Variants in PCYT2 observed in about 807,000 individuals in gnomAD.
PCYT2 encodes the protein ethanolamine-phosphate cytidylyltransferase.
Under a neutral mutation model 50.0 loss-of-function variants are expected in PCYT2, and 33 were observed. That is an observed-to-expected ratio of 0.66 (90% CI 0.50 to 0.88). The LOEUF (loss-of-function observed/expected upper bound fraction) is 0.88. Among genes scored for constraint, PCYT2 ranks in the 40% least tolerant of loss-of-function variants. PCYT2 has a pLI of 0.00. For synonymous variants in PCYT2, 240 were observed against 203.7 expected (o/e 1.18, Z -1.52); for missense variants, 430 against 519.7 (o/e 0.83, Z 1.68).
At chr17:81,907,231 G>A in intron 6 of PCYT2, 2 of 1,534,538 alleles carry the variant, frequency 1.3e-6, no homozygotes, top group Non-Finnish European at 1.7e-6. Context: ...AGGAAAGTAT[G>A]TCCCCGGCGG....
At chr17:81,909,223 G>C in intron 2 of PCYT2, 186 bp from the exon 3 acceptor site, 2 of 1,433,042 alleles carry the variant, frequency 1.4e-6, no homozygotes, top group Non-Finnish European at 1.8e-6. Flanking sequence ...GAGGGTCTCA[G>C]GCAAAGGCAG....
At chr17:81,907,140 C>A in intron 6 of PCYT2, 1 of 1,343,040 alleles carries the variant, frequency 7.4e-7, no homozygotes, top group Non-Finnish European at 1.0e-6. Flanking sequence ...AGGCAAGGAG[C>A]CCTGTGGCAG....
At position 81,904,752 on chromosome 17, in the gene PCYT2, G is replaced by A; in HGVS notation, c.*81C>T. On this transcript the variant is annotated 3_prime_UTR_variant, in exon 13 of 13. Transcript: ENST00000538936. The stretch of plus-strand genomic sequence containing the variant: ...TCCAGAGCCAGGCCAGTTAGAGAGG[G>A]CGGCCCTGCAGAGTCCTATGTCCAA... 1.1e-6 allele frequency: 1 copy of A among 895,264 alleles called. No homozygotes were observed. Among genetic ancestry groups the A allele is most frequent in the Non-Finnish European group, 1.7e-6 (1 of 588,632 alleles). The allele number at this position is 895,264 out of a possible 1,614,324, so 55.5% of individuals were successfully genotyped here. A position where few individuals can be genotyped will look rare whatever the true frequency, so the allele number is the denominator to read the frequency against.
At chr17:81,908,504 C>G in intron 4 of PCYT2, 64 bp downstream of exon 4, 1 of 1,288,326 alleles carries the variant, frequency 7.8e-7, no homozygotes, top group Non-Finnish European at 1.1e-6. Context: ...AATAGCAAAG[C>G]ACGAGCCAGG....
rs538587337 is a variant in PCYT2 at position 81,902,587 on chromosome 17, C to T, written c.*2246G>A. ...CGGCAGGACGTGGGTGGGGGTGCGG[C>T]GGCCCCTCAGCCTTTGCTTGCCTGC... On this transcript the variant is annotated 3_prime_UTR_variant, in exon 13 of 13. Transcript: ENST00000538936. 7.2e-6 allele frequency: 11 copies of T among 1,524,642 alleles called. No homozygotes were observed. Among genetic ancestry groups the T allele is most frequent in the Admixed American group, 4.2e-5 (2 of 47,954 alleles). 94.4% of individuals were successfully genotyped at this position (1,524,642 alleles called of 1,614,324 possible).
chr17:81,909,584 G>A lies in PCYT2; in HGVS notation c.108C>T (p.Tyr36=), dbSNP rs148838458. 19 of 1,613,280 alleles carry A rather than the reference G, an allele frequency of 1.2e-5. No homozygotes were observed. The highest frequency in any genetic ancestry group is 4.4e-5 in the South Asian group (4 of 91,072). The change falls in exon 2 of 13, where the codon TAC becomes TAT. Residue 36 remains tyrosine, a synonymous_variant. Transcript: ENST00000538936. ...CCTGGCGCAGCTGGTTGGAGTGGCC[G>A]TAATGCACCATGTCATAGCTGTGGA... ...WCDGCYDMVH[Y]GHSNQLRQAR... is the part of the protein sequence containing the mutation.
At chr17:81,904,988 G>A in intron 12 of PCYT2, 44 bp from the exon 13 acceptor site, 1 of 1,588,732 alleles carries the variant, frequency 6.3e-7, no homozygotes, top group South Asian at 1.1e-5. Flanking sequence ...CCATGAGGCG[G>A]CTCCGAGGGG....
Position 81,904,647 on chromosome 17 carries a change from C to G in PCYT2, c.*186G>C. 1 of 585,576 alleles carries G rather than the reference C, an allele frequency of 1.7e-6. No homozygotes were observed. Among genetic ancestry groups the G allele is most frequent in the South Asian group, 2.2e-5 (1 of 45,258 alleles). The allele number at this position is 585,576 out of a possible 1,614,324, so 36.3% of individuals were successfully genotyped here. A position where few individuals can be genotyped will look rare whatever the true frequency, so the allele number is the denominator to read the frequency against. ...TGTGCTGGACACCCTCTCTGAGCAG[C>G]TTTGCTGGAAAGAGCGGAGAGCCTG... is the stretch of plus-strand genomic sequence containing the variant. On this transcript the variant is annotated 3_prime_UTR_variant, in exon 13 of 13. Coordinates refer to ENST00000538936, the MANE Select transcript of PCYT2 (RefSeq NM_002861.5).
At chr17:81,907,275 G>A (rs1567892056) in intron 6 of PCYT2, 5 of 1,527,312 alleles carry the variant, frequency 3.3e-6, no homozygotes, top group South Asian at 1.2e-5. Flanking sequence ...GGGAGAGAGG[G>A]CCAGGCCACT....
At position 81,902,143 on chromosome 17, in the gene PCYT2, G is replaced by T. The variant is rs922931153; in HGVS notation, c.*2690C>A. ...TGCGACGGCTCCTCCGCGCGCGCCC[G>T]CTGCACCCCAGCCCGCCCGCCGCCC... On this transcript the variant is annotated 3_prime_UTR_variant, in exon 13 of 13. Coordinates refer to ENST00000538936, the MANE Select transcript of PCYT2 (RefSeq NM_002861.5). 1.2e-6 allele frequency: 1 copy of T among 846,712 alleles called. No individual in the cohort carries two copies. Among genetic ancestry groups the T allele is most frequent in the Non-Finnish European group, 1.5e-6 (1 of 653,548 alleles). 52.4% of individuals were successfully genotyped at this position (846,712 alleles called of 1,614,324 possible).
In PCYT2 at chr17:81,901,080, T is replaced by C. The variant is rs1237542503; in HGVS notation, c.*3753A>G. ...GCCAGTCTGAGTCCCAAAACAAAAG[T>C]AGAGAAGCCGATAGTGCAGCCTTCA... On this transcript the variant is annotated 3_prime_UTR_variant, in exon 13 of 13. Transcript: ENST00000538936. 2.0e-5 allele frequency: 3 copies of C among 152,126 alleles called. No individual in the cohort carries two copies. The highest frequency in any genetic ancestry group is 7.2e-5 in the African/African-American group (3 of 41,424). 9.4% of individuals were successfully genotyped at this position (152,126 alleles called of 1,614,324 possible).
chr17:81,904,682 A>G lies in PCYT2; in HGVS notation c.*151T>C, dbSNP rs1316888551. ...AAGAGCGGAGAGCCTGCTGCAAACC[A>G]GGCACCTTGTAGGCAGGCAAGGAGG... On this transcript the variant is annotated 3_prime_UTR_variant, in exon 13 of 13. Transcript: ENST00000538936. 1.7e-5 allele frequency: 10 copies of G among 603,336 alleles called. No individual in the cohort carries two copies. The highest frequency in any genetic ancestry group is 3.4e-4 in the Middle Eastern group (1 of 2,914). The allele number at this position is 603,336 out of a possible 1,614,324, so 37.4% of individuals were successfully genotyped here.
At chr17:81,909,483 G>A (rs768211669) in intron 2 of PCYT2, 31 bp downstream of exon 2, 3 of 1,587,026 alleles carry the variant, frequency 1.9e-6, no homozygotes, top group African/African-American at 1.3e-5. Context: ...GGGCTGGGGG[G>A]CCGCGGGTGG....
At chr17:81,905,576 C>A in intron 10 of PCYT2, 94 bp downstream of exon 10, 1 of 1,456,592 alleles carries the variant, frequency 6.9e-7, no homozygotes, top group Non-Finnish European at 9.6e-7. Context: ...ACCTCCTGGG[C>A]CCCGCCTAGG....
chr17:81,906,401 C>T (rs111946308), intron 8 of PCYT2, 63 bp downstream of exon 8: 19 of 1,514,106 alleles, frequency 1.3e-5, no homozygotes, highest in African/African-American at 6.9e-5. Context: ...CTAACAGCAA[C>T]GCTTAGGGCC....
chr17:81,902,065 CT>C lies in PCYT2; in HGVS notation c.*2767del. The C allele has an allele frequency of 3.1e-6, 1 of 319,808 alleles. No individual in the cohort carries two copies. Among genetic ancestry groups the C allele is most frequent in the Admixed American group, 5.2e-5 (1 of 19,312 alleles). The allele number at this position is 319,808 out of a possible 1,614,324, so 19.8% of individuals were successfully genotyped here. A position where few individuals can be genotyped will look rare whatever the true frequency, so the allele number is the denominator to read the frequency against. ...TTGGGCTCCCACCAAGCGCCAGATC[CT>C]TGCGCGCCTCCAGCGCTCGCCCGCG... On this transcript the variant is annotated 3_prime_UTR_variant, in exon 13 of 13. Coordinates refer to ENST00000538936, the MANE Select transcript of PCYT2 (RefSeq NM_002861.5).
chr17:81,902,124 G>A lies in PCYT2; in HGVS notation c.*2709C>T. 3.3e-6 allele frequency: 2 copies of A among 598,764 alleles called. No individual in the cohort carries two copies. The highest frequency in any genetic ancestry group is 4.7e-5 in the East Asian group (1 of 21,152). The allele number at this position is 598,764 out of a possible 1,614,324, so 37.1% of individuals were successfully genotyped here. The stretch of plus-strand genomic sequence containing the variant: ...TTCCTTTGGGATGCGGAGGTGCGAC[G>A]GCTCCTCCGCGCGCGCCCGCTGCAC... On this transcript the variant is annotated 3_prime_UTR_variant, in exon 13 of 13. Transcript: ENST00000538936.
rs1376545692 is a variant in PCYT2 at position 81,902,794 on chromosome 17, T to C, written c.*2039A>G. On this transcript the variant is annotated 3_prime_UTR_variant, in exon 13 of 13. Transcript: ENST00000538936. ...CGCTGGGGGCCCCCCGCCCCCACCG[T>C]CCCACTCGGTGACCCCAGGCCCCTC... is the stretch of plus-strand genomic sequence containing the variant. The C allele has an allele frequency of 6.5e-7, 1 of 1,549,266 alleles. No individual in the cohort carries two copies. Among genetic ancestry groups the C allele is most frequent in the Non-Finnish European group, 8.7e-7 (1 of 1,148,752 alleles).
In PCYT2 at chr17:81,906,219, G is replaced by T. The variant is rs370127835; in HGVS notation, c.760-42C>A. On this transcript the variant is annotated intron_variant, in intron 8 of 12. Transcript: ENST00000538936. ...GCTAGCTCAGCCCGGAGACTTTTTG[G>T]GGGGACAGGGTGTGCCCCTCCCGGC... 5 of 1,544,574 alleles carry T rather than the reference G, an allele frequency of 3.2e-6. No homozygotes were observed. In the East Asian group the frequency reaches 1.2e-4, roughly 36 times the overall value.
Sources: gnomAD v4.1 joint callset for allele counts on GRCh38, gnomAD v4.1.1 for gene constraint, MANE v1.5 for transcripts, NCBI Gene and HGNC (gene_info 2026-07-23, HGNC 2026-07-21) for gene names.